The following TMEM154 variants were observed in gnomAD, a reference collection of about 807,000 sequenced individuals.
TMEM154 encodes transmembrane protein 154.
A neutral mutation model predicts 24.5 loss-of-function variants in TMEM154; 27 were observed. That is an observed-to-expected ratio of 1.10 (90% CI 0.81 to 1.52). The LOEUF is 1.52. Ranked by LOEUF, TMEM154 falls within the 40% of genes most tolerant of loss-of-function variation. The pLI is 0.00. For missense variants in TMEM154, 228 were observed against 213.4 expected (o/e 1.07, Z -0.43); for synonymous variants, 67 against 76.8 (o/e 0.87, Z 0.67).
chr4:152,638,196 G>A (rs775320359), intron 6 of TMEM154, among the ~76,000 whole-genome samples: 12 of 152,316 alleles, frequency 7.9e-5, no homozygotes, highest in Middle Eastern at 3.4e-3. Flanking sequence ...GGCCCAGGAG[G>A]TTGAGGCTAC....
At position 152,679,918 on chromosome 4, in the gene TMEM154, C is replaced by G. The variant is rs751244038; in HGVS notation, c.16G>C (p.Ala6Pro). The G allele has an allele frequency of 1.2e-6, 2 of 1,610,214 alleles. No individual in the cohort carries two copies. The highest frequency in any genetic ancestry group is 1.3e-5 in the African/African-American group (1 of 74,914). Residue 6 changes from alanine to proline, a missense_variant, in exon 1 of 7, where the codon GCA becomes CCA. Ala to Pro is a conservative substitution (Grantham distance 27). Coordinates refer to ENST00000304385, the MANE Select transcript of TMEM154 (RefSeq NM_152680.3). ...ATCACCAGGGCGAAGACTAGGGCTG[C>G]GCGGGGAGCCTGCATGTCCGCTCGC... Reference protein sequence around the residue: MQAPRAALVFALVIAL... With the variant: MQAPRPALVFALVIAL...
intron 1 of TMEM154, among the ~76,000 whole-genome samples, chr4:152,674,531 T>C (rs1728913388): frequency 6.6e-6 from 1 of 152,186 alleles, no homozygotes; most frequent in African/African-American, 2.4e-5. Flanking sequence ...CTGCCGGCTC[T>C]GGTCTGCCAG....
chr4:152,675,646 C>A (rs973586821), intron 1 of TMEM154, among the ~76,000 whole-genome samples: 1 of 151,124 alleles, frequency 6.6e-6, no homozygotes, highest in African/African-American at 2.4e-5. Flanking sequence ...AAAAAAAAAA[C>A]AAATTTTCTA....
chr4:152,656,269 C>G (rs1036280045), intron 1 of TMEM154, among the ~76,000 whole-genome samples: 1 of 152,150 alleles, frequency 6.6e-6, no homozygotes, highest in Non-Finnish European at 1.5e-5. Context: ...AGCACCCAAG[C>G]AAGACACCTG....
chr4:152,648,144 T>C (rs1184242562), intron 3 of TMEM154, among the ~76,000 whole-genome samples: 1 of 152,144 alleles, frequency 6.6e-6, no homozygotes, highest in Non-Finnish European at 1.5e-5. Context: ...GAAGAGATGG[T>C]AATTAATTTT....
In TMEM154 at chr4:152,618,976, A is replaced by G. The variant is rs1432993133; in HGVS notation, c.*9570T>C. 6.6e-6 allele frequency: 1 copy of G among 152,242 alleles called. No individual in the cohort carries two copies. The highest frequency in any genetic ancestry group is 1.5e-5 in the Non-Finnish European group (1 of 68,046). The allele number at this position is 152,242 out of a possible 1,614,324, so 9.4% of individuals were successfully genotyped here. On this transcript the variant is annotated 3_prime_UTR_variant, in exon 7 of 7. Coordinates refer to ENST00000304385, the MANE Select transcript of TMEM154 (RefSeq NM_152680.3). ...CACTGATGATAAAGACTGATTAGGT[A>G]CTTAAGGAAAGATGATATGTAACTC...
At chr4:152,642,329 A>G (rs574108162) in intron 5 of TMEM154, among the ~76,000 whole-genome samples, 3 of 152,318 alleles carry the variant, frequency 2.0e-5, no homozygotes, top group Non-Finnish European at 4.4e-5. Flanking sequence ...AAAAATACAA[A>G]TGACATGATA....
At chr4:152,677,049 T>G (rs1002492980) in intron 1 of TMEM154, among the ~76,000 whole-genome samples, 3 of 152,206 alleles carry the variant, frequency 2.0e-5, no homozygotes, top group Non-Finnish European at 2.9e-5. Flanking sequence ...CCCACTTTAC[T>G]CCATGAGCAG....
intron 1 of TMEM154, among the ~76,000 whole-genome samples, chr4:152,670,324 C>T (rs1299222892): frequency 2.0e-5 from 3 of 152,172 alleles, no homozygotes; most frequent in East Asian, 1.9e-4. Flanking sequence ...CGGTGGCTCA[C>T]GCCTGTAATC....
In TMEM154 at chr4:152,630,083, G is replaced by A. The variant is rs540119352; in HGVS notation, c.537-1522C>T. ...CATCCCAGCTCTTTGGGAGGCTGAG[G>A]CAGGAGGATTGCTTGAGTCCAGGAG... On this transcript the variant is annotated intron_variant, in intron 6 of 6. Transcript: ENST00000304385. Among the ~76,000 whole-genome samples the A allele has an allele frequency of 4.6e-5, 7 of 152,210 alleles. 1 individual carries two copies. The South Asian group carries it at 1.5e-3, about 32-fold the overall frequency.
At chr4:152,636,909 G>A (rs1752160955) in intron 6 of TMEM154, among the ~76,000 whole-genome samples, 1 of 152,196 alleles carries the variant, frequency 6.6e-6, no homozygotes, top group Non-Finnish European at 1.5e-5. Flanking sequence ...TTTAATGACT[G>A]TTACATACTT....
intron 1 of TMEM154, among the ~76,000 whole-genome samples, chr4:152,655,365 C>T (rs1728470230): frequency 6.6e-6 from 1 of 152,330 alleles, no homozygotes; most frequent in East Asian, 1.9e-4. Context: ...CTCACAGGCC[C>T]TGAGACTAAC....
chr4:152,651,415 A>G (rs146470640), intron 3 of TMEM154, among the ~76,000 whole-genome samples: 13 of 152,368 alleles, frequency 8.5e-5, no homozygotes, highest in African/African-American at 2.4e-4. Context: ...TAGGTCTTCT[A>G]GATAACTTGC....
At chr4:152,656,405 G>A (rs934793136) in intron 1 of TMEM154, among the ~76,000 whole-genome samples, 21 of 152,154 alleles carry the variant, frequency 1.4e-4, no homozygotes, top group African/African-American at 4.8e-4. Context: ...TGGCCCACCT[G>A]GTATCCTAGT....
intron 3 of TMEM154, among the ~76,000 whole-genome samples, chr4:152,645,964 CACACACACACACACAG>C (rs1487038210): frequency 6.6e-6 from 1 of 151,812 alleles, no homozygotes; most frequent in Non-Finnish European, 1.5e-5. Flanking sequence ...CACACACACA[CACACACACACACACAG>C]ACACCACAAA....
intron 1 of TMEM154, among the ~76,000 whole-genome samples, chr4:152,658,845 G>A (rs981195137): frequency 2.0e-4 from 30 of 151,952 alleles, no homozygotes; most frequent in Admixed American, 7.2e-4. Context: ...TTGTTGAAAA[G>A]GAAAAAGCAT....
intron 3 of TMEM154, among the ~76,000 whole-genome samples, chr4:152,649,057 G>A (rs1412220913): frequency 6.6e-6 from 1 of 152,148 alleles, no homozygotes; most frequent in African/African-American, 2.4e-5. Flanking sequence ...AATACTCTTC[G>A]GGGCTTCTTC....
intron 1 of TMEM154, among the ~76,000 whole-genome samples, chr4:152,660,732 C>A (rs1040709038): frequency 2.4e-4 from 37 of 152,178 alleles, no homozygotes; most frequent in African/African-American, 7.2e-4. Context: ...TGAGAGGGAA[C>A]CTCCTGCTCC....
chr4:152,672,840 G>T (rs1292057101), intron 1 of TMEM154, among the ~76,000 whole-genome samples: 2 of 152,156 alleles, frequency 1.3e-5, no homozygotes, highest in Non-Finnish European at 2.9e-5. Context: ...TCTCCTAAAA[G>T]GCTAGAGAGT....
Sources: gnomAD v4.1 joint callset for allele counts (sites outside exome capture counted in the v4.1 genomes callset) on GRCh38, gnomAD v4.1.1 for gene constraint, MANE v1.5 for transcripts, NCBI Gene and HGNC (gene_info 2026-07-23, HGNC 2026-07-21) for gene names.